RBFOX1: variants seen among roughly 807,000 people sequenced by gnomAD.
RBFOX1 encodes the protein RNA binding protein fox-1 homolog 1.
Under a neutral mutation model 57.7 loss-of-function variants are expected in RBFOX1, and 8 were observed. The observed-to-expected ratio is 0.14, with a 90% CI of 0.08 to 0.25. The LOEUF is 0.25. Ranked by LOEUF, RBFOX1 falls within the 10% of genes least tolerant of loss-of-function variation. RBFOX1 has a pLI of 1.00. For synonymous variants in RBFOX1, 326 were observed against 222.4 expected (o/e 1.47, Z -4.15); for missense variants, 611 against 548.5 (o/e 1.11, Z -1.14).
At chr16:5,610,995 A>C (rs2047762648) in intron 3 of RBFOX1, among the ~76,000 whole-genome samples, 1 of 152,252 alleles carries the variant, frequency 6.6e-6, no homozygotes. Context: ...CACAGCTTAC[A>C]GAGCATCCTA....
intron 4 of RBFOX1, among the ~76,000 whole-genome samples, chr16:5,988,640 C>A (rs1044061829): frequency 2.0e-5 from 3 of 152,116 alleles, no homozygotes; most frequent in Non-Finnish European, 4.4e-5. Context: ...CCTGTGAGCA[C>A]GTCCAAGACC....
chr16:5,759,863 A>T (rs964817433), intron 3 of RBFOX1, among the ~76,000 whole-genome samples: 1 of 152,012 alleles, frequency 6.6e-6, no homozygotes, highest in Non-Finnish European at 1.5e-5. Flanking sequence ...CTTCTTGGAC[A>T]TCTTGATCAA....
chr16:6,186,074 T>G (rs1021943657), intron 1 of RBFOX1, among the ~76,000 whole-genome samples: 1 of 152,202 alleles, frequency 6.6e-6, no homozygotes, highest in Non-Finnish European at 1.5e-5. Flanking sequence ...GTCCAGAGGA[T>G]TTGAAAAATA....
At chr16:6,745,506 C>T (rs554197480) in intron 3 of RBFOX1, among the ~76,000 whole-genome samples, 1 of 152,230 alleles carries the variant, frequency 6.6e-6, no homozygotes, top group East Asian at 1.9e-4. Context: ...ATTTGAAAAT[C>T]AATTTATGAA....
At chr16:5,287,220 C>G (rs1466860829) in intron 1 of RBFOX1, among the ~76,000 whole-genome samples, 2 of 152,050 alleles carry the variant, frequency 1.3e-5, no homozygotes, top group Non-Finnish European at 2.9e-5. Context: ...GGGAAGATCA[C>G]TTGAGCCCAG....
At chr16:6,005,370 C>A (rs532473088) in intron 4 of RBFOX1, among the ~76,000 whole-genome samples, 6 of 152,316 alleles carry the variant, frequency 3.9e-5, no homozygotes, top group African/African-American at 1.4e-4. Flanking sequence ...GTTTGTTGAG[C>A]ATCTGCTATG....
At chr16:6,250,110 T>C (rs12448369) in intron 1 of RBFOX1, among the ~76,000 whole-genome samples, 19,383 of 152,170 alleles carry the variant, frequency 0.13, 1,363 homozygotes, top group Middle Eastern at 0.3. Flanking sequence ...GCATGCTGGT[T>C]CAGCTCTGTG....
chr16:6,096,821 C>G (rs2096250299), intron 1 of RBFOX1, among the ~76,000 whole-genome samples: 2 of 152,338 alleles, frequency 1.3e-5, no homozygotes, highest in South Asian at 4.1e-4. Flanking sequence ...ACTGCTCAAA[C>G]TGTCATTCAT....
intron 3 of RBFOX1, among the ~76,000 whole-genome samples, chr16:6,701,136 T>C (rs199788220): frequency 1.8e-5 from 1 of 54,104 alleles, no homozygotes; most frequent in African/African-American, 9.0e-5. Flanking sequence ...TGTGTGTGTA[T>C]GTGTGTGTGT....
At chr16:5,944,306 G>C (rs1320861335) in intron 4 of RBFOX1, among the ~76,000 whole-genome samples, 2 of 152,164 alleles carry the variant, frequency 1.3e-5, no homozygotes, top group African/African-American at 4.8e-5. Flanking sequence ...GTCACCAGGC[G>C]GCTTTTGAGG....
At chr16:6,572,515 G>GT in intron 2 of RBFOX1, among the ~76,000 whole-genome samples, 1 of 152,110 alleles carries the variant, frequency 6.6e-6, no homozygotes, top group South Asian at 2.1e-4. Context: ...CCATTATTTA[G>GT]CGTGAACCGT....
chr16:5,813,262 T>G (rs771084449), intron 3 of RBFOX1, among the ~76,000 whole-genome samples: 18 of 152,180 alleles, frequency 1.2e-4, no homozygotes, highest in Non-Finnish European at 1.5e-4. Context: ...TATTTCGGCC[T>G]CCCAAACCTT....
chr16:6,829,317 T>C (rs1388007110), intron 3 of RBFOX1, among the ~76,000 whole-genome samples: 1 of 151,208 alleles, frequency 6.6e-6, no homozygotes, highest in Non-Finnish European at 1.5e-5. Flanking sequence ...TCTACATAAA[T>C]ACATATATAA....
chr16:6,143,993 C>G (rs534317430), intron 1 of RBFOX1, among the ~76,000 whole-genome samples: 247 of 142,658 alleles, frequency 1.7e-3, no homozygotes, highest in African/African-American at 6.0e-3. Flanking sequence ...CTCTACCTAC[C>G]TACCTATGTT....
chr16:5,677,647 C>T (rs1003209821), intron 3 of RBFOX1, among the ~76,000 whole-genome samples: 9 of 152,194 alleles, frequency 5.9e-5, no homozygotes, highest in Non-Finnish European at 1.2e-4. Flanking sequence ...TCCCTGCGCT[C>T]ATGGAATAAA....
intron 1 of RBFOX1, among the ~76,000 whole-genome samples, chr16:5,418,947 C>T (rs2067236713): frequency 6.6e-6 from 1 of 152,126 alleles, no homozygotes; most frequent in African/African-American, 2.4e-5. Flanking sequence ...GTGAAGGCAG[C>T]CAGGAGAGTA....
At chr16:6,679,021 G>A (rs7199189) in intron 3 of RBFOX1, among the ~76,000 whole-genome samples, 22,839 of 152,012 alleles carry the variant, frequency 0.15, 1,876 homozygotes, top group Middle Eastern at 0.19. Flanking sequence ...CAAAGAGATC[G>A]ACTCTGCGTG....
chr16:5,987,639 G>C (rs1270389974), intron 4 of RBFOX1, among the ~76,000 whole-genome samples: 1 of 152,086 alleles, frequency 6.6e-6, no homozygotes, highest in Non-Finnish European at 1.5e-5. Flanking sequence ...GGAGTTCGAG[G>C]CTGTAGGGCA....
At chr16:7,668,977 C>T (rs780801773) in intron 13 of RBFOX1, among the ~76,000 whole-genome samples, 1 of 152,168 alleles carries the variant, frequency 6.6e-6, no homozygotes, top group Non-Finnish European at 1.5e-5. Context: ...GATCTCAGCT[C>T]ACTTGCAACC....
Sources: gnomAD v4.1 joint callset for allele counts (sites outside exome capture counted in the v4.1 genomes callset) on GRCh38, gnomAD v4.1.1 for gene constraint, MANE v1.5 for transcripts, NCBI Gene and HGNC (gene_info 2026-07-23, HGNC 2026-07-21) for gene names.